The following UBE4B variants were observed in gnomAD, a reference collection of about 807,000 sequenced individuals.
UBE4B encodes ubiquitin conjugation factor E4 B.
Under a neutral mutation model 148.1 loss-of-function variants are expected in UBE4B, and 27 were observed. The ratio of observed to expected loss-of-function variants is 0.18; its 90% CI spans 0.13 to 0.25. The LOEUF (loss-of-function observed/expected upper bound fraction) is 0.25. Among genes scored for constraint, UBE4B ranks in the 10% least tolerant of loss-of-function variants. UBE4B has a pLI of 1.00. For missense variants in UBE4B, 1,170 were observed against 1,662.4 expected (o/e 0.70, Z 5.15); for synonymous variants, 596 against 619.3 (o/e 0.96, Z 0.56).
intron 19 of UBE4B, among the ~76,000 whole-genome samples, chr1:10,148,331 C>CTTAGCAAGAAGTCAAGAAGGCTG (rs1381618096): frequency 3.6e-4 from 55 of 151,960 alleles, no homozygotes; most frequent in African/African-American, 1.3e-3. Flanking sequence ...TTGCATTAAC[C>CTTAGCAAGAAGTCAAGAAGGCTG]TTAGCAAGAA....
chr1:10,109,128 A>G (rs1236271054), intron 7 of UBE4B, among the ~76,000 whole-genome samples: 1 of 151,698 alleles, frequency 6.6e-6, no homozygotes, highest in African/African-American at 2.4e-5. Flanking sequence ...TGTGCGCCAG[A>G]TGTGGTGTCA....
chr1:10,157,159 C>T (rs1169966138), intron 21 of UBE4B, among the ~76,000 whole-genome samples: 3 of 152,148 alleles, frequency 2.0e-5, no homozygotes, highest in African/African-American at 7.2e-5. Flanking sequence ...GAATTATGGG[C>T]ACACACCACC....
chr1:10,169,936 A>C (rs1312082960), intron 24 of UBE4B, among the ~76,000 whole-genome samples: 1 of 152,150 alleles, frequency 6.6e-6, no homozygotes, highest in African/African-American at 2.4e-5. Flanking sequence ...AATCACTTGA[A>C]CCCAAAAGGC....
At chr1:10,061,555 G>A (rs1644286727) in intron 1 of UBE4B, among the ~76,000 whole-genome samples, 2 of 152,106 alleles carry the variant, frequency 1.3e-5, no homozygotes, top group African/African-American at 2.4e-5. Flanking sequence ...TTGGCCCTGA[G>A]CAAGTTTTTA....
chr1:10,158,194 C>CT, intron 21 of UBE4B, among the ~76,000 whole-genome samples, 162 bp from the exon 22 acceptor site: 1 of 152,230 alleles, frequency 6.6e-6, no homozygotes, highest in Non-Finnish European at 1.5e-5. Flanking sequence ...TTAAAAGCAG[C>CT]TTATAATTTC....
At chr1:10,148,053 C>G (rs914743189) in intron 19 of UBE4B, among the ~76,000 whole-genome samples, 12 of 152,080 alleles carry the variant, frequency 7.9e-5, no homozygotes, top group Non-Finnish European at 1.5e-5. Flanking sequence ...CGGTGAAACC[C>G]CGTCTCTACT....
chr1:10,084,064 T>C (rs986441204), intron 2 of UBE4B, among the ~76,000 whole-genome samples: 6 of 152,092 alleles, frequency 3.9e-5, no homozygotes, highest in African/African-American at 1.4e-4. Flanking sequence ...CTGCAACCTC[T>C]GCTGTGCTTG....
At chr1:10,102,391 C>CTTTTTTTTTTTTTTTTTTTTTTT (rs33997625) in intron 4 of UBE4B, among the ~76,000 whole-genome samples, 1 of 51,544 alleles carries the variant, frequency 1.9e-5, no homozygotes, top group African/African-American at 6.1e-5. Context: ...TGACTTTGCT[C>CTTTTTTTTTTTTTTTTTTTTTTT]TTTTTTTTTT....
Position 10,161,177 on chromosome 1 carries a change from TGATAAACGACACGACG to T in UBE4B, c.3090_3105del (p.Leu1030PhefsTer11). 1 of 1,614,174 alleles carries T rather than the reference TGATAAACGACACGACG, an allele frequency of 6.2e-7. No homozygotes were observed. The highest frequency in any genetic ancestry group is 8.5e-7 in the Non-Finnish European group (1 of 1,180,020). ...CAGTTTGTTCGCTATATAAACATGT[TGATAAACGACACGACG>T]TTTTTGCTCGATGAAAGTCTGGAGT... On this transcript the variant is annotated frameshift_variant, in exon 23 of 28. Coordinates refer to ENST00000343090, the MANE Select transcript of UBE4B (RefSeq NM_001105562.3). LOFTEE classifies it high-confidence loss of function. This position sits in a 1 kb window ranked among gnomAD's most constrained non-coding sequence, Gnocchi z 4.1.
intron 21 of UBE4B, among the ~76,000 whole-genome samples, chr1:10,157,402 G>T (rs935370095): frequency 6.6e-6 from 1 of 151,964 alleles, no homozygotes; most frequent in Non-Finnish European, 1.5e-5. Context: ...ACTTGAGCCC[G>T]AGAGGTTGAG....
intron 19 of UBE4B, among the ~76,000 whole-genome samples, chr1:10,148,631 CAA>C (rs565261261): frequency 0.028 from 2,405 of 87,218 alleles, 34 homozygotes; most frequent in Non-Finnish European, 0.041. Context: ...GACTCTGTCT[CAA>C]AAAAAAAAAA....
At chr1:10,047,453 A>G (rs1158126253) in intron 1 of UBE4B, among the ~76,000 whole-genome samples, 1 of 146,800 alleles carries the variant, frequency 6.8e-6, no homozygotes, top group South Asian at 2.2e-4. Context: ...GGCATGTTCT[A>G]TCCCATAAGA....
Position 10,106,137 on chromosome 1 carries a change from A to T in UBE4B, c.810-60A>T. On this transcript the variant is annotated intron_variant, in intron 6 of 27. Coordinates refer to ENST00000343090, the MANE Select transcript of UBE4B (RefSeq NM_001105562.3). The surrounding 1 kb of genome is among the most constrained non-coding windows in gnomAD (Gnocchi z 4.2). ...AAGCTTGATATTTTCTGTTTTAGTT[A>T]GTTATCTCAAGTTTTTCTTTGATTT... The T allele has an allele frequency of 2.7e-6, 4 of 1,495,106 alleles. No homozygotes were observed. The South Asian group carries it at 5.4e-5, about 20-fold the overall frequency. The allele number at this position is 1,495,106 out of a possible 1,614,324, so 92.6% of individuals were successfully genotyped here.
At chr1:10,151,052 A>G (rs1229479081) in intron 20 of UBE4B, among the ~76,000 whole-genome samples, 2 of 149,864 alleles carry the variant, frequency 1.3e-5, no homozygotes, top group African/African-American at 4.9e-5. Flanking sequence ...AGTCCCAGCT[A>G]CTCGGGAGGC....
intron 7 of UBE4B, among the ~76,000 whole-genome samples, chr1:10,110,320 C>A (rs976467208): frequency 6.6e-6 from 1 of 152,132 alleles, no homozygotes; most frequent in Non-Finnish European, 1.5e-5. Flanking sequence ...TTGCAGACTT[C>A]TGAGAAAAGA....
chr1:10,087,300 A>G (rs1045673149), intron 2 of UBE4B, among the ~76,000 whole-genome samples: 1 of 152,154 alleles, frequency 6.6e-6, no homozygotes, highest in Non-Finnish European at 1.5e-5. Context: ...TTGTAAAATG[A>G]ACATTTATTT....
intron 1 of UBE4B, among the ~76,000 whole-genome samples, chr1:10,053,088 C>T (rs1438858280): frequency 6.6e-6 from 1 of 152,196 alleles, no homozygotes; most frequent in African/African-American, 2.4e-5. Context: ...ACCCTCCCAC[C>T]TCAGCCTCCC....
At chr1:10,045,195 G>T (rs1189761361) in intron 1 of UBE4B, among the ~76,000 whole-genome samples, 2 of 152,212 alleles carry the variant, frequency 1.3e-5, no homozygotes, top group African/African-American at 4.8e-5. Context: ...AAATACAGAT[G>T]GAGCTTCACT....
At chr1:10,042,208 A>G (rs928233240) in intron 1 of UBE4B, among the ~76,000 whole-genome samples, 1 of 151,846 alleles carries the variant, frequency 6.6e-6, no homozygotes, top group African/African-American at 2.4e-5. Context: ...TGCAAAGTGC[A>G]TTTTCTCACA....
Sources: gnomAD v4.1 joint callset for allele counts (sites outside exome capture counted in the v4.1 genomes callset) on GRCh38, gnomAD v4.1.1 for gene constraint, Gnocchi (gnomAD v3.1) non-coding constraint, MANE v1.5 for transcripts, NCBI Gene and HGNC (gene_info 2026-07-23, HGNC 2026-07-21) for gene names.